The following CCDC85C variants were observed in gnomAD, a reference collection of about 807,000 sequenced individuals.
The protein encoded by CCDC85C is coiled-coil domain containing 85C.
CCDC85C carries 18 observed loss-of-function variants against 38.3 expected under a neutral mutation model. That is an observed-to-expected ratio of 0.47 (90% confidence interval 0.33 to 0.70). The LOEUF is 0.70. Among genes scored for constraint, CCDC85C ranks in the 30% least tolerant of loss-of-function variants. CCDC85C has a pLI of 0.03. For synonymous variants in CCDC85C, 264 were observed against 293.8 expected, an observed-to-expected ratio of 0.90 and a Z score of 1.04; for missense variants, 566 against 621.2, an observed-to-expected ratio of 0.91 and a Z score of 0.94.
chr14:99,584,027 T>A (rs1681518886), intron 1 of CCDC85C, among the ~76,000 whole-genome samples: 1 of 152,034 alleles, frequency 6.6e-6, no homozygotes, highest in East Asian at 1.9e-4. Flanking sequence ...CGGAAGGGTA[T>A]GCAGGAGCCC....
chr14:99,565,491 C>A (rs1161850371), intron 1 of CCDC85C, among the ~76,000 whole-genome samples: 3 of 152,230 alleles, frequency 2.0e-5, no homozygotes, highest in Non-Finnish European at 4.4e-5. Context: ...TAGCACTGGC[C>A]TGGACAAATT....
chr14:99,527,009 G>A (rs544030099), intron 2 of CCDC85C, among the ~76,000 whole-genome samples: 1 of 152,252 alleles, frequency 6.6e-6, no homozygotes, highest in South Asian at 2.1e-4. Context: ...GGAGAGTGCA[G>A]AGAAAGCAGG....
At chr14:99,524,614 G>C (rs772162909) in intron 2 of CCDC85C, among the ~76,000 whole-genome samples, 9 of 152,202 alleles carry the variant, frequency 5.9e-5, no homozygotes, top group African/African-American at 1.9e-4. Flanking sequence ...TCATTAAGGG[G>C]CAATGTGACT....
intron 1 of CCDC85C, among the ~76,000 whole-genome samples, chr14:99,599,614 G>T (rs1203758779): frequency 1.3e-5 from 2 of 152,158 alleles, no homozygotes; most frequent in African/African-American, 4.8e-5. Flanking sequence ...CCAAGGCCAG[G>T]TGCAGTGGCT....
chr14:99,603,107 A>G lies in CCDC85C; in HGVS notation c.793+60T>C. The G allele has an allele frequency of 7.8e-7, 1 of 1,279,372 alleles. No individual in the cohort carries two copies. Among genetic ancestry groups the G allele is most frequent in the Non-Finnish European group, 9.9e-7 (1 of 1,012,354 alleles). 79.3% of individuals were successfully genotyped at this position (1,279,372 alleles called of 1,614,324 possible). A position where few individuals can be genotyped will look rare whatever the true frequency, so the allele number is the denominator to read the frequency against. On this transcript the variant is annotated intron_variant, in intron 1 of 5. Coordinates refer to ENST00000380243, the MANE Select transcript of CCDC85C (RefSeq NM_001144995.2). The surrounding 1 kb of genome is among the most constrained non-coding windows in gnomAD (Gnocchi z 7.5). ...GCCAGGGACCACCTCCTCTCGCCGC[A>G]GCCTGGGAAAAGGGCTGCAGCCAGG...
At chr14:99,529,434 ACT>A (rs1357415480) in intron 2 of CCDC85C, among the ~76,000 whole-genome samples, 3 of 151,678 alleles carry the variant, frequency 2.0e-5, no homozygotes, top group Middle Eastern at 3.2e-3. Context: ...ATGAAGTTTC[ACT>A]CTGTCACCCA....
In CCDC85C at chr14:99,519,099, C is replaced by CTTTTTTTTTTTT. The variant is rs59524541; in HGVS notation, c.976-1928_976-1917dup. ...TATCTTTTTACATGTTCATACATGCCTTTTTTTTTTTTTTTTTTTTTTTTT... is the reference window on the plus strand; with the variant it reads ...TATCTTTTTACATGTTCATACATGCCTTTTTTTTTTTTTTTTTTTTTTTTTTTTTTTTTTTTT... On this transcript the variant is annotated intron_variant, in intron 3 of 5. Coordinates refer to ENST00000380243, the MANE Select transcript of CCDC85C (RefSeq NM_001144995.2). Among the ~76,000 whole-genome samples the CTTTTTTTTTTTT allele has an allele frequency of 1.1e-4, 6 of 52,218 alleles. 2 individuals carry two copies. Among genetic ancestry groups the CTTTTTTTTTTTT allele is most frequent in the Admixed American group, 6.6e-4 (2 of 3,012 alleles). The allele number at this position is 52,218 out of a possible 152,430, so 34.3% of individuals were successfully genotyped here.
intron 1 of CCDC85C, among the ~76,000 whole-genome samples, chr14:99,551,315 G>A (rs1321522950): frequency 6.6e-6 from 1 of 152,170 alleles, no homozygotes; most frequent in Non-Finnish European, 1.5e-5. Flanking sequence ...GGCAGTGGGG[G>A]GAAGGTCACA....
Position 99,500,668 on chromosome 14 carries a change from T to G in CCDC85C, c.*14578A>C. ...GGAAAGGCAGTTGCTAAAATATAAC[T>G]TGAAGAGAGAATAAATAGACAGGAA... is the stretch of plus-strand genomic sequence containing the variant. On this transcript the variant is annotated 3_prime_UTR_variant, in exon 6 of 6. Coordinates refer to ENST00000380243, the MANE Select transcript of CCDC85C (RefSeq NM_001144995.2). 2.5e-6 allele frequency: 2 copies of G among 812,014 alleles called. No homozygotes were observed. The highest frequency in any genetic ancestry group is 4.2e-6 in the Non-Finnish European group (2 of 480,172). The allele number at this position is 812,014 out of a possible 1,614,324, so 50.3% of individuals were successfully genotyped here.
Position 99,544,605 on chromosome 14 carries a change from C to T in CCDC85C, c.794-8517G>A, listed in dbSNP as rs1321614168. Among the ~76,000 whole-genome samples, 1 of 152,094 alleles carries T rather than the reference C, an allele frequency of 6.6e-6. No homozygotes were observed. The highest frequency in any genetic ancestry group is 2.4e-5 in the African/African-American group (1 of 41,414). On this transcript the variant is annotated intron_variant, in intron 1 of 5. Transcript: ENST00000380243. The surrounding 1 kb of genome is among the most constrained non-coding windows in gnomAD (Gnocchi z 5.3). ...GGGCTTGGAAGACAGCCTGACTCCC[C>T]TCTCCCAGAGCAGAAATTCTCTTCG...
chr14:99,580,118 G>A (rs2054950393), intron 1 of CCDC85C: 1 of 455,636 alleles, frequency 2.2e-6, no homozygotes, highest in Admixed American at 2.4e-5. Flanking sequence ...CAAAGTGGCT[G>A]GAGCTGCTGG....
At chr14:99,554,077 G>C (rs959265509) in intron 1 of CCDC85C, among the ~76,000 whole-genome samples, 1 of 152,106 alleles carries the variant, frequency 6.6e-6, no homozygotes, top group Non-Finnish European at 1.5e-5. Context: ...GGCTCCACTT[G>C]CTCTGTGAAT....
intron 1 of CCDC85C, among the ~76,000 whole-genome samples, chr14:99,602,212 G>A (rs2139998643): frequency 6.6e-6 from 1 of 152,330 alleles, no homozygotes; most frequent in Admixed American, 6.5e-5. Context: ...AAAGCTGGCA[G>A]GGAGCAGAAG....
intron 1 of CCDC85C, among the ~76,000 whole-genome samples, chr14:99,553,978 C>G (rs1356298043): frequency 6.6e-6 from 1 of 152,200 alleles, no homozygotes; most frequent in Non-Finnish European, 1.5e-5. Flanking sequence ...TGATTCTGCA[C>G]TCTGGGAGAG....
In CCDC85C at chr14:99,535,917, G is replaced by T. The variant is rs1595348302; in HGVS notation, c.867+98C>A. The T allele has an allele frequency of 5.6e-6, 5 of 889,958 alleles. No individual in the cohort carries two copies. The highest frequency in any genetic ancestry group is 3.6e-6 in the Non-Finnish European group (2 of 558,716). The allele number at this position is 889,958 out of a possible 1,614,324, so 55.1% of individuals were successfully genotyped here. On this transcript the variant is annotated intron_variant, in intron 2 of 5. Transcript: ENST00000380243. The surrounding 1 kb of genome is among the most constrained non-coding windows in gnomAD (Gnocchi z 5.5). ...AGGTGGCAGTGGGAGCAGTTGGGGG[G>T]ACAGCCTAGGTCCCAAGGGGAAGGG...
intron 1 of CCDC85C, among the ~76,000 whole-genome samples, chr14:99,554,795 G>A (rs775762912): frequency 6.6e-6 from 1 of 152,250 alleles, no homozygotes; most frequent in African/African-American, 2.4e-5. Flanking sequence ...ACAGTGAGTG[G>A]AGTAGAGTTC....
chr14:99,522,368 C>T (rs1897314993), intron 2 of CCDC85C, 128 bp from the exon 3 acceptor site: 1 of 623,528 alleles, frequency 1.6e-6, no homozygotes, highest in Non-Finnish European at 2.8e-6. Flanking sequence ...CTCCACCCTC[C>T]CCTCCACACC....
In CCDC85C at chr14:99,564,311, C is replaced by A. The variant is rs374581643; in HGVS notation, c.794-28223G>T. Among the ~76,000 whole-genome samples, 30 of 152,312 alleles carry A rather than the reference C, an allele frequency of 2.0e-4. No homozygotes were observed. The East Asian group carries it at 4.6e-3, about 24-fold the overall frequency. ...AGGGTCTTGCACTCTCCTCCTTGCA[C>A]CCTCCCCAGACCCACAAGATGGAAG... On this transcript the variant is annotated intron_variant, in intron 1 of 5. Coordinates refer to ENST00000380243, the MANE Select transcript of CCDC85C (RefSeq NM_001144995.2).
rs765589937 is a variant in CCDC85C, at chr14:99,510,027, C to T, written c.*5219G>A. The T allele has an allele frequency of 6.6e-5, 56 of 854,770 alleles. No individual in the cohort carries two copies. Among genetic ancestry groups the T allele is most frequent in the Non-Finnish European group, 9.6e-5 (54 of 565,374 alleles). 52.9% of individuals were successfully genotyped at this position (854,770 alleles called of 1,614,324 possible). Reference sequence around the variant, plus strand: ...TCAGGACATGGGGCATGGGCCCATGCGTTGGGCCACAGAGGAGGCGGGCAG... The same window carrying T: ...TCAGGACATGGGGCATGGGCCCATGTGTTGGGCCACAGAGGAGGCGGGCAG... On this transcript the variant is annotated 3_prime_UTR_variant, in exon 6 of 6. Coordinates refer to ENST00000380243, the MANE Select transcript of CCDC85C (RefSeq NM_001144995.2).
Sources: gnomAD v4.1 joint callset for allele counts (sites outside exome capture counted in the v4.1 genomes callset) on GRCh38, gnomAD v4.1.1 for gene constraint, Gnocchi (gnomAD v3.1) non-coding constraint, MANE v1.5 for transcripts, NCBI Gene and HGNC (gene_info 2026-07-23, HGNC 2026-07-21) for gene names.